Variants in GLI3 observed in about 807,000 individuals in gnomAD.
The protein encoded by GLI3 is GLI family zinc finger 3.
GLI3 carries 20 observed loss-of-function variants against 100.8 expected under a neutral mutation model. The observed-to-expected ratio is 0.20, with a 90% CI of 0.14 to 0.29. The LOEUF (loss-of-function observed/expected upper bound fraction) is 0.29, where lower values mean the gene tolerates loss of function less well. GLI3 is among the 10% of genes least tolerant of loss of function. GLI3 has a pLI of 1.00. For missense variants in GLI3, 2,040 were observed against 2,128.5 expected (o/e 0.96, Z 0.82); for synonymous variants, 938 against 860.5 (o/e 1.09, Z -1.58).
At chr7:42,058,131 A>T (rs967832426) in intron 4 of GLI3, among the ~76,000 whole-genome samples, 1 of 152,176 alleles carries the variant, frequency 6.6e-6, no homozygotes, top group Non-Finnish European at 1.5e-5. Context: ...AAAATTAACT[A>T]AAAAAAGAAG....
chr7:42,030,696 G>GTTTTTTTTTTTTTTTT (rs201325272), intron 7 of GLI3, among the ~76,000 whole-genome samples: 2 of 133,466 alleles, frequency 1.5e-5, no homozygotes, highest in African/African-American at 5.5e-5. Flanking sequence ...TTGTTGATTT[G>GTTTTTTTTTTTTTTTT]TTTTTTTTTT....
intron 7 of GLI3, among the ~76,000 whole-genome samples, chr7:42,033,842 C>T (rs1408447421): frequency 6.6e-6 from 1 of 152,178 alleles, no homozygotes; most frequent in African/African-American, 2.4e-5. Flanking sequence ...CCACTTCCAT[C>T]TATAAAAGTT....
intron 2 of GLI3, among the ~76,000 whole-genome samples, chr7:42,220,961 G>A (rs915727705): frequency 1.3e-5 from 2 of 152,140 alleles, no homozygotes; most frequent in African/African-American, 4.8e-5. Context: ...AATCAATGTC[G>A]GTCCCCAAAC....
At chr7:41,993,248 A>G (rs1763544145) in intron 10 of GLI3, among the ~76,000 whole-genome samples, 1 of 152,204 alleles carries the variant, frequency 6.6e-6, no homozygotes, top group African/African-American at 2.4e-5. Flanking sequence ...CCAGGGTTTT[A>G]GAGGAAAATG....
chr7:42,113,939 G>A (rs1188298647), intron 3 of GLI3, among the ~76,000 whole-genome samples: 3 of 152,118 alleles, frequency 2.0e-5, no homozygotes, highest in Non-Finnish European at 2.9e-5. Context: ...CCTTGTGGGA[G>A]GGAAAAACAA....
chr7:42,261,859 T>C (rs1194054906), intron 1 of GLI3, among the ~76,000 whole-genome samples: 1 of 124,792 alleles, frequency 8.0e-6, no homozygotes, highest in African/African-American at 2.9e-5. Context: ...TTGTTTTCTT[T>C]CCTTCCCTTC....
chr7:42,084,930 T>A (rs1045618658), intron 3 of GLI3, among the ~76,000 whole-genome samples: 1 of 104,122 alleles, frequency 9.6e-6, no homozygotes, highest in Non-Finnish European at 1.9e-5. Flanking sequence ...TTTTTTTTTT[T>A]AGATTGAGTC....
chr7:41,989,588 G>A (rs1372525614), intron 10 of GLI3, among the ~76,000 whole-genome samples: 1 of 152,176 alleles, frequency 6.6e-6, no homozygotes, highest in Non-Finnish European at 1.5e-5. Flanking sequence ...TTATATCCAA[G>A]TTAAGGATTT....
chr7:42,048,585 G>A lies in GLI3; in HGVS notation c.585C>T (p.Pro195=), dbSNP rs752473882. ...ASESPFSPPH[P]YINPYMDYIR... is the part of the protein sequence containing the mutation. ...TATAGTCCATGTAGGGATTAATGTAGGGATGTGGAGGGCTGAAGGGAGACT... is the reference window on the plus strand; with the variant it reads ...TATAGTCCATGTAGGGATTAATGTAAGGATGTGGAGGGCTGAAGGGAGACT... Residue 195 remains proline (P), a synonymous_variant, in exon 5 of 15, where the codon CCC becomes CCT. Transcript: ENST00000395925. 6.2e-6 allele frequency: 10 copies of A among 1,611,742 alleles called. No homozygotes were observed. Among genetic ancestry groups the A allele is most frequent in the Middle Eastern group, 1.6e-4 (1 of 6,080 alleles).
chr7:41,986,156 T>C (rs1001737212), intron 10 of GLI3, among the ~76,000 whole-genome samples: 4 of 152,212 alleles, frequency 2.6e-5, no homozygotes, highest in African/African-American at 9.7e-5. Context: ...TTATTTCTGA[T>C]TTGTGAATAT....
chr7:41,978,473 C>A lies in GLI3; in HGVS notation c.1647+126G>T, dbSNP rs566098158. On this transcript the variant is annotated intron_variant, in intron 11 of 14. Coordinates refer to ENST00000395925, the MANE Select transcript of GLI3 (RefSeq NM_000168.6). The stretch of plus-strand genomic sequence containing the variant: ...AAACACCGAGGCATTTATCACCAGA[C>A]AATACTCTAGTCCTCTTCTCTTGCC... The A allele has an allele frequency of 1.0e-5, 9 of 897,916 alleles. No individual in the cohort carries two copies. In the East Asian group the frequency reaches 1.7e-4, roughly 17 times the overall value. The allele number at this position is 897,916 out of a possible 1,614,324, so 55.6% of individuals were successfully genotyped here.
chr7:42,028,491 C>T lies in GLI3; in HGVS notation c.1029-2079G>A, dbSNP rs754515769. Among the ~76,000 whole-genome samples the T allele has an allele frequency of 4.6e-5, 7 of 152,102 alleles. No individual in the cohort carries two copies. The South Asian group carries it at 8.3e-4, about 18-fold the overall frequency. ...TAAAAAAGATGTAGGAGGCCGGGCG[C>T]GGTGGCTCACGCCTGTAATCCCAGC... On this transcript the variant is annotated intron_variant, in intron 7 of 14. Coordinates refer to ENST00000395925, the MANE Select transcript of GLI3 (RefSeq NM_000168.6).
intron 2 of GLI3, among the ~76,000 whole-genome samples, chr7:42,164,107 A>C (rs944404836): frequency 6.6e-5 from 10 of 152,204 alleles, no homozygotes; most frequent in African/African-American, 2.4e-4. Context: ...TTCTAATTTA[A>C]TGGCTGAGTA....
At chr7:42,097,737 G>A (rs566340890) in intron 3 of GLI3, among the ~76,000 whole-genome samples, 1 of 152,332 alleles carries the variant, frequency 6.6e-6, no homozygotes, top group South Asian at 2.1e-4. Context: ...GAGTAAACGT[G>A]TAATTCTGCA....
Position 41,965,857 on chromosome 7 carries a change from G to A in GLI3, c.3216C>T (p.Asn1072=), listed in dbSNP as rs1787155663. Residue 1072 remains asparagine, a synonymous_variant, in exon 15 of 15, where the codon AAC becomes AAT. Coordinates refer to ENST00000395925, the MANE Select transcript of GLI3 (RefSeq NM_000168.6). ...SSPCPPSITE[N]VTLESLTMDA... ...CCATGGTCAGGGACTCCAGGGTGAC[G>A]TTCTCGGTGATGCTGGGAGGACAGG... 1.9e-6 allele frequency: 3 copies of A among 1,613,690 alleles called. No individual in the cohort carries two copies. Among genetic ancestry groups the A allele is most frequent in the East Asian group, 2.2e-5 (1 of 44,846 alleles).
At chr7:42,224,404 A>T (rs1031720392) in intron 1 of GLI3, among the ~76,000 whole-genome samples, 1 of 152,196 alleles carries the variant, frequency 6.6e-6, no homozygotes, top group African/African-American at 2.4e-5. Flanking sequence ...TTTAACACAT[A>T]TTTGCAAGGG....
intron 13 of GLI3, among the ~76,000 whole-genome samples, chr7:41,969,256 G>A (rs1000148527): frequency 6.6e-6 from 1 of 152,156 alleles, no homozygotes; most frequent in Non-Finnish European, 1.5e-5. Context: ...ACTTCCATGC[G>A]TCTGCAGCGC....
chr7:42,186,204 T>C (rs2128685503), intron 2 of GLI3, among the ~76,000 whole-genome samples: 1 of 152,274 alleles, frequency 6.6e-6, no homozygotes, highest in African/African-American at 2.4e-5. Flanking sequence ...AATCAAATAA[T>C]TTCATATTCC....
intron 7 of GLI3, among the ~76,000 whole-genome samples, chr7:42,038,994 C>T (rs1281791370): frequency 2.0e-5 from 3 of 152,064 alleles, no homozygotes; most frequent in Middle Eastern, 3.2e-3. Flanking sequence ...TGAAAACATC[C>T]GTTAGTATGT....
Sources: allele counts gnomAD v4.1 joint callset (sites outside exome capture counted in the v4.1 genomes callset), GRCh38; gene constraint gnomAD v4.1.1; transcripts MANE v1.5; gene names NCBI Gene and HGNC (gene_info 2026-07-23, HGNC 2026-07-21).